CDH9: variants seen among roughly 807,000 people sequenced by gnomAD.
The protein encoded by CDH9 is cadherin 9.
A neutral mutation model predicts 70.9 loss-of-function variants in CDH9; 28 were observed. The observed-to-expected ratio is 0.40, with a 90% CI of 0.29 to 0.54. The LOEUF is 0.54. Ranked by LOEUF, CDH9 falls within the 20% of genes least tolerant of loss-of-function variation. The pLI is 0.59. For missense variants in CDH9, 874 were observed against 984.4 expected (o/e 0.89, Z 1.50); for synonymous variants, 409 against 343.1 (o/e 1.19, Z -2.12).
At chr5:26,971,904 T>C (rs1045387472) in intron 2 of CDH9, among the ~76,000 whole-genome samples, 1 of 152,190 alleles carries the variant, frequency 6.6e-6, no homozygotes, top group Admixed American at 6.5e-5. Flanking sequence ...ATGAACACCT[T>C]TTAAATCTCA....
At chr5:26,936,495 G>C (rs1441006650) in intron 2 of CDH9, among the ~76,000 whole-genome samples, 9 of 152,054 alleles carry the variant, frequency 5.9e-5, no homozygotes, top group Non-Finnish European at 4.4e-5. Flanking sequence ...TTTCCAACTT[G>C]ATCTATGGAT....
At chr5:27,024,053 A>AAAATAAAT (rs553191369) in intron 1 of CDH9, among the ~76,000 whole-genome samples, 2 of 151,874 alleles carry the variant, frequency 1.3e-5, no homozygotes, top group African/African-American at 2.4e-5. Context: ...CTCTGTCTCA[A>AAAATAAAT]AAATAAATAA....
At chr5:27,010,465 A>T (rs1742937017) in intron 1 of CDH9, among the ~76,000 whole-genome samples, 1 of 152,056 alleles carries the variant, frequency 6.6e-6, no homozygotes, top group Non-Finnish European at 1.5e-5. Flanking sequence ...ATTACTTTAC[A>T]TCTTGCCAAT....
At chr5:26,966,533 T>A (rs1201617792) in intron 2 of CDH9, among the ~76,000 whole-genome samples, 5 of 152,232 alleles carry the variant, frequency 3.3e-5, no homozygotes, top group Non-Finnish European at 7.3e-5. Context: ...TTTTTCCTTT[T>A]TACTTTTCCT....
Position 26,923,903 on chromosome 5 carries a change from A to C in CDH9, c.229-7979T>G, listed in dbSNP as rs190441835. 2.3e-3 allele frequency among the ~76,000 whole-genome samples: 350 copies of C among 152,182 alleles called. 2 individuals are homozygous for C. The highest frequency in any genetic ancestry group is 3.4e-3 in the Non-Finnish European group (229 of 67,958). On this transcript the variant is annotated intron_variant, in intron 2 of 11. Transcript: ENST00000231021. The stretch of plus-strand genomic sequence containing the variant: ...AAACCTACAGAATACAGAAAAAGCA[A>C]TAGGAAGAGGAAAGTTCATAGCAAT...
intron 1 of CDH9, among the ~76,000 whole-genome samples, chr5:27,013,876 A>G (rs1743003237): frequency 6.6e-6 from 1 of 151,978 alleles, no homozygotes; most frequent in South Asian, 2.1e-4. Context: ...CAAAATGAAA[A>G]TTCAGATCAA....
intron 2 of CDH9, among the ~76,000 whole-genome samples, chr5:26,977,357 G>T (rs909183002): frequency 6.6e-6 from 1 of 151,716 alleles, no homozygotes; most frequent in Non-Finnish European, 1.5e-5. Flanking sequence ...AAACCATAAT[G>T]CCTCAATAAT....
chr5:26,943,606 G>A (rs751237583), intron 2 of CDH9, among the ~76,000 whole-genome samples: 11 of 151,950 alleles, frequency 7.2e-5, no homozygotes, highest in Non-Finnish European at 1.6e-4. Flanking sequence ...ATTTCAAAGG[G>A]CTAAGACTGT....
intron 2 of CDH9, among the ~76,000 whole-genome samples, chr5:26,918,858 C>A (rs191431970): frequency 3.5e-4 from 53 of 152,340 alleles, no homozygotes; most frequent in Admixed American, 1.4e-3. Context: ...AGCTTGCCAA[C>A]TGCAGCTCTT....
At chr5:26,916,957 T>C (rs975660896) in intron 2 of CDH9, among the ~76,000 whole-genome samples, 3 of 151,982 alleles carry the variant, frequency 2.0e-5, no homozygotes, top group Non-Finnish European at 2.9e-5. Context: ...TCATAAATTA[T>C]CTTCTTTTCA....
At chr5:27,033,011 A>T (rs570866843) in intron 1 of CDH9, among the ~76,000 whole-genome samples, 1 of 151,406 alleles carries the variant, frequency 6.6e-6, no homozygotes, top group African/African-American at 2.4e-5. Flanking sequence ...GGGTAAAAAG[A>T]TAATAAATTT....
intron 1 of CDH9, among the ~76,000 whole-genome samples, chr5:26,993,102 CAA>C (rs34636129): frequency 2.6e-4 from 27 of 104,332 alleles, no homozygotes; most frequent in Admixed American, 5.6e-4. Flanking sequence ...ACTCCGTCTC[CAA>C]AAAAAAAAAA....
chr5:26,902,626 G>T lies in CDH9; in HGVS notation c.1103C>A (p.Ala368Asp). The T allele has an allele frequency of 6.2e-7, 1 of 1,600,862 alleles. No homozygotes were observed. The highest frequency in any genetic ancestry group is 8.6e-7 in the Non-Finnish European group (1 of 1,168,248). ...ATCTTCCACAGATATTTTGACCACA[G>T]CTGTATCTTTGAAAGGTCCCAGGTG... ...FLHLGPFKDT[A>D]VVKISVEDID... is the part of the protein sequence containing the mutation. Residue 368 changes from alanine (A) to aspartate (D), a missense_variant, in exon 7 of 12, where the codon GCT becomes GAT. Coordinates refer to ENST00000231021, the MANE Select transcript of CDH9 (RefSeq NM_016279.4).
intron 1 of CDH9, among the ~76,000 whole-genome samples, chr5:26,990,111 C>T (rs1742556185): frequency 1.3e-5 from 2 of 151,994 alleles, no homozygotes; most frequent in South Asian, 2.1e-4. Context: ...AGTGCTAGCA[C>T]AAAACTCAAC....
chr5:26,960,164 C>A (rs1742010528), intron 2 of CDH9, among the ~76,000 whole-genome samples: 1 of 151,922 alleles, frequency 6.6e-6, no homozygotes, highest in Admixed American at 6.6e-5. Flanking sequence ...AGAAAATCAC[C>A]TGTCCAGGAA....
At chr5:26,997,426 G>C (rs974688714) in intron 1 of CDH9, among the ~76,000 whole-genome samples, 1 of 152,138 alleles carries the variant, frequency 6.6e-6, no homozygotes, top group Non-Finnish European at 1.5e-5. Context: ...CCATCTTGGA[G>C]ATGGCCAAGA....
chr5:26,895,744 G>T (rs1200507613), intron 7 of CDH9, among the ~76,000 whole-genome samples: 7 of 151,956 alleles, frequency 4.6e-5, no homozygotes, highest in African/African-American at 1.7e-4. Context: ...TATATTTGAT[G>T]AACAGATTTA....
chr5:26,987,054 T>A (rs1299213692), intron 2 of CDH9, among the ~76,000 whole-genome samples: 4 of 149,420 alleles, frequency 2.7e-5, no homozygotes, highest in Non-Finnish European at 5.9e-5. Flanking sequence ...TTTTAAAAGC[T>A]ACAAGCATGA....
At chr5:26,986,512 C>T (rs1397139655) in intron 2 of CDH9, among the ~76,000 whole-genome samples, 4 of 151,974 alleles carry the variant, frequency 2.6e-5, no homozygotes, top group African/African-American at 9.7e-5. Context: ...AATTAATGTA[C>T]ACTCAATTTT....
Sources: allele counts gnomAD v4.1 joint callset (sites outside exome capture counted in the v4.1 genomes callset), GRCh38; gene constraint gnomAD v4.1.1; transcripts MANE v1.5; gene names NCBI Gene and HGNC (gene_info 2026-07-23, HGNC 2026-07-21).